Variants in RAB27A observed in about 807,000 individuals in gnomAD.
RAB27A encodes RAB27A, member RAS oncogene family.
Under a neutral mutation model 20.8 loss-of-function variants are expected in RAB27A, and 17 were observed. That is an observed-to-expected ratio of 0.82 (90% CI 0.56 to 1.23). RAB27A has a LOEUF of 1.23. RAB27A is among the 50% of genes most tolerant of loss of function. The pLI is 0.00. For missense variants in RAB27A, 277 were observed against 266.7 expected, an observed-to-expected ratio of 1.04 and a Z score of -0.27; for synonymous variants, 85 against 92.8, an observed-to-expected ratio of 0.92 and a Z score of 0.48.
intron 6 of RAB27A, among the ~76,000 whole-genome samples, chr15:55,219,660 A>T (rs17819000): frequency 0.12 from 18,676 of 152,200 alleles, 1,431 homozygotes; most frequent in Admixed American, 0.2. Flanking sequence ...TATTTCATTC[A>T]GCTTTCTCTT....
At chr15:55,212,532 CTTT>C (rs59221045) in intron 6 of RAB27A, among the ~76,000 whole-genome samples, 6 of 134,012 alleles carry the variant, frequency 4.5e-5, no homozygotes, top group African/African-American at 8.7e-5. Flanking sequence ...AGCAACAAAT[CTTT>C]TTTTTTTTTT....
intron 2 of RAB27A, chr15:55,238,347 G>T (rs1474417735): frequency 2.0e-5 from 3 of 152,008 alleles, no homozygotes; most frequent in African/African-American, 7.2e-5. Context: ...TGCACATTGG[G>T]CTTTAAAGTG....
chr15:55,311,077 G>A (rs1447227304), intron 2 of RAB27A, among the ~76,000 whole-genome samples: 2 of 151,524 alleles, frequency 1.3e-5, no homozygotes, highest in Non-Finnish European at 3.0e-5. Flanking sequence ...CTGACTGCTG[G>A]CCTGTGGGGA....
chr15:55,230,440 C>A lies in RAB27A; in HGVS notation c.200G>T (p.Arg67Ile). ...TGTGTCCCATAACTGCAGGTGGATT[C>A]TCTGGCCTCTGCCAGTGGCTCCATC... ...GPDGATGRGQ[R>I]IHLQLWDTAG... Residue 67 changes from arginine (R) to isoleucine (I), a missense_variant, in exon 4 of 7, where the codon AGA (arginine) becomes ATA (isoleucine). Coordinates refer to ENST00000336787, the MANE Select transcript of RAB27A (RefSeq NM_183235.3). The A allele has an allele frequency of 6.2e-7, 1 of 1,613,982 alleles. No individual in the cohort carries two copies. Among genetic ancestry groups the A allele is most frequent in the Non-Finnish European group, 8.5e-7 (1 of 1,179,884 alleles).
intron 1 of RAB27A, among the ~76,000 whole-genome samples, chr15:55,278,824 G>A (rs1181212077): frequency 6.6e-6 from 1 of 152,150 alleles, no homozygotes; most frequent in Non-Finnish European, 1.5e-5. Flanking sequence ...TTGACATGGG[G>A]CTGAAAAATC....
In RAB27A at chr15:55,234,307, C is replaced by T. The variant is rs796642273; in HGVS notation, c.153+475G>A. Among the ~76,000 whole-genome samples, 29 of 152,236 alleles carry T rather than the reference C, an allele frequency of 1.9e-4. 1 individual carries two copies. Among genetic ancestry groups the T allele is most frequent in the African/African-American group, 6.7e-4 (28 of 41,542 alleles). On this transcript the variant is annotated intron_variant, in intron 3 of 6. Coordinates refer to ENST00000336787, the MANE Select transcript of RAB27A (RefSeq NM_183235.3). ...ACATCACATTCACTACTGGCATTCC[C>T]CACTCCTACTCCAACCTCACCCTCC...
chr15:55,309,376 G>A (rs1275084422), intron 2 of RAB27A, among the ~76,000 whole-genome samples: 2 of 152,222 alleles, frequency 1.3e-5, no homozygotes, highest in African/African-American at 4.8e-5. Context: ...TGGAAACCTT[G>A]TAGTCACAGG....
chr15:55,260,736 AG>A (rs1897242152), intron 2 of RAB27A, among the ~76,000 whole-genome samples: 1 of 152,244 alleles, frequency 6.6e-6, no homozygotes, highest in Non-Finnish European at 1.5e-5. Context: ...CTGTGGAGAT[AG>A]TACAAAGATC....
At chr15:55,298,848 AT>A (rs1421620773) in intron 2 of RAB27A, among the ~76,000 whole-genome samples, 1 of 152,206 alleles carries the variant, frequency 6.6e-6, no homozygotes, top group Admixed American at 6.5e-5. Context: ...TATTTCTCCC[AT>A]TTGCTTTTGA....
At chr15:55,288,486 A>C (rs374082961) in intron 1 of RAB27A, among the ~76,000 whole-genome samples, 1 of 152,180 alleles carries the variant, frequency 6.6e-6, no homozygotes, top group South Asian at 2.1e-4. Context: ...ATGCCACCGC[A>C]TTCCTACCTG....
chr15:55,281,652 G>A (rs1472437152), intron 1 of RAB27A, among the ~76,000 whole-genome samples: 1 of 151,870 alleles, frequency 6.6e-6, no homozygotes, highest in East Asian at 1.9e-4. Flanking sequence ...TGTTGAGGTT[G>A]CAGTGAGCTG....
intron 6 of RAB27A, among the ~76,000 whole-genome samples, chr15:55,222,124 C>A (rs1895599529): frequency 6.6e-6 from 1 of 152,176 alleles, no homozygotes. Context: ...GTGAACCCTG[C>A]CTGAGAAACT....
intron 6 of RAB27A, among the ~76,000 whole-genome samples, chr15:55,219,721 T>C (rs1895475589): frequency 2.0e-5 from 3 of 152,250 alleles, no homozygotes; most frequent in Admixed American, 2.0e-4. Context: ...TCAGTAACCA[T>C]GTGAACTGTA....
chr15:55,299,216 GAACT>G (rs918172894), intron 2 of RAB27A, among the ~76,000 whole-genome samples: 3 of 152,172 alleles, frequency 2.0e-5, no homozygotes, highest in Non-Finnish European at 4.4e-5. Flanking sequence ...TTAATTTGGG[GAACT>G]AATAAATGTC....
At chr15:55,212,666 AT>A (rs1296941661) in intron 6 of RAB27A, among the ~76,000 whole-genome samples, 1 of 151,588 alleles carries the variant, frequency 6.6e-6, no homozygotes, top group Admixed American at 6.6e-5. Flanking sequence ...AGTAGCTGGG[AT>A]TACAGGCGGC....
chr15:55,262,409 G>T (rs1172220880), intron 2 of RAB27A, among the ~76,000 whole-genome samples: 2 of 151,760 alleles, frequency 1.3e-5, no homozygotes, highest in South Asian at 4.2e-4. Context: ...GGGCGTGGTG[G>T]TAGGCACCTG....
chr15:55,312,237 C>T (rs936165803), intron 2 of RAB27A, among the ~76,000 whole-genome samples: 38 of 152,268 alleles, frequency 2.5e-4, no homozygotes, highest in African/African-American at 8.7e-4. Flanking sequence ...TCTGCGACAG[C>T]GGCAAACAAC....
At chr15:55,213,354 A>G (rs1272326155) in intron 6 of RAB27A, among the ~76,000 whole-genome samples, 1 of 152,200 alleles carries the variant, frequency 6.6e-6, no homozygotes, top group Non-Finnish European at 1.5e-5. Flanking sequence ...GGCTAGTAAC[A>G]GCTTCTATAT....
chr15:55,282,169 C>T (rs1274483257), intron 1 of RAB27A, among the ~76,000 whole-genome samples: 1 of 152,212 alleles, frequency 6.6e-6, no homozygotes, highest in Non-Finnish European at 1.5e-5. Flanking sequence ...AAAGTTCCAT[C>T]TAGATGTCAC....
Sources: gnomAD v4.1 joint callset for allele counts (sites outside exome capture counted in the v4.1 genomes callset) on GRCh38, gnomAD v4.1.1 for gene constraint, MANE v1.5 for transcripts, NCBI Gene and HGNC (gene_info 2026-07-23, HGNC 2026-07-21) for gene names.